The following TACC2 variants were observed in gnomAD, a reference collection of about 807,000 sequenced individuals.
TACC2 encodes transforming acidic coiled-coil-containing protein 2.
TACC2 carries 137 observed loss-of-function variants against 227.3 expected under a neutral mutation model. That is an observed-to-expected ratio of 0.60 (90% CI 0.52 to 0.69). The LOEUF (loss-of-function observed/expected upper bound fraction) is 0.69, where lower values mean the gene tolerates loss of function less well. Among genes scored for constraint, TACC2 ranks in the 30% least tolerant of loss-of-function variants. The pLI is 0.00. For missense variants in TACC2, 3,470 were observed against 3,694.4 expected, an observed-to-expected ratio of 0.94 and a Z score of 1.57; for synonymous variants, 1,523 against 1,487.5, an observed-to-expected ratio of 1.02 and a Z score of -0.55.
chr10:122,019,023 C>G (rs1957020181), intron 1 of TACC2, among the ~76,000 whole-genome samples: 1 of 152,198 alleles, frequency 6.6e-6, no homozygotes, highest in Admixed American at 6.5e-5. Flanking sequence ...CTGCCCTACA[C>G]AAAAATAGAA....
rs1487838468 is a variant in TACC2, at chr10:122,050,102, C to G, written c.34-336C>G. Among the ~76,000 whole-genome samples the G allele has an allele frequency of 2.6e-5, 4 of 152,182 alleles. No individual in the cohort carries two copies. In the East Asian group the frequency reaches 7.7e-4, roughly 29 times the overall value. The stretch of plus-strand genomic sequence containing the variant: ...ACAAACAAATTGGACACTTTCAAGT[C>G]TTAGTTTAAATGCTCCACTTCTCCT... On this transcript the variant is annotated intron_variant, in intron 2 of 22. Coordinates refer to ENST00000369005, the MANE Select transcript of TACC2 (RefSeq NM_206862.4). This position sits in a 1 kb window ranked among gnomAD's most constrained non-coding sequence, Gnocchi z 4.6.
rs917771951 is a variant in TACC2, at chr10:122,050,921, C to T, written c.146+371C>T. On this transcript the variant is annotated intron_variant, in intron 3 of 22. Transcript: ENST00000369005. The surrounding 1 kb of genome is among the most constrained non-coding windows in gnomAD (Gnocchi z 4.6). ...CTGTAACTCAGTGTGGTGGCCATTG[C>T]GGGCACTGGACCATGAAACAGAGGA... 5.7e-5 allele frequency: 11 copies of T among 194,042 alleles called. No homozygotes were observed. Among genetic ancestry groups the T allele is most frequent in the Non-Finnish European group, 1.1e-4 (10 of 94,586 alleles). The allele number at this position is 194,042 out of a possible 1,614,324, so 12.0% of individuals were successfully genotyped here.
chr10:122,195,003 G>T, intron 7 of TACC2, 37 bp from the exon 8 acceptor site: 2 of 1,571,276 alleles, frequency 1.3e-6, no homozygotes, highest in Non-Finnish European at 1.7e-6. Context: ...CTGGCTCTGG[G>T]CCCCTGTCTA....
chr10:122,058,011 T>G (rs2076380786), intron 3 of TACC2, among the ~76,000 whole-genome samples: 2 of 152,228 alleles, frequency 1.3e-5, no homozygotes, highest in Non-Finnish European at 2.9e-5. Flanking sequence ...CCTTCCCTTT[T>G]GTGGTTTCCA....
At chr10:121,995,609 CA>C (rs1953355488) in intron 1 of TACC2, among the ~76,000 whole-genome samples, 1 of 152,114 alleles carries the variant, frequency 6.6e-6, no homozygotes, top group Non-Finnish European at 1.5e-5. Context: ...ATAGTTGGCT[CA>C]TGGTTCTGAA....
chr10:122,088,872 AC>A, intron 5 of TACC2: 1 of 907,558 alleles, frequency 1.1e-6, no homozygotes, highest in Non-Finnish European at 1.6e-6. Context: ...TGTAATCCCA[AC>A]ACTTTGGGAG....
chr10:122,199,922 T>G (rs1274785203), intron 8 of TACC2, among the ~76,000 whole-genome samples: 3 of 152,080 alleles, frequency 2.0e-5, no homozygotes, highest in African/African-American at 7.2e-5. Flanking sequence ...ACTAATCCAC[T>G]CATGAGGACA....
Position 122,249,678 on chromosome 10 carries a change from G to T in TACC2, c.8781+14G>T, listed in dbSNP as rs373274782. On this transcript the variant is annotated intron_variant, in intron 22 of 22. Transcript: ENST00000369005. ...CTGGAGCAGAAGGTAATAGGGGAGG[G>T]GTGTGGCCTCCAGGTGGGCCGGGCT... 1.0e-4 allele frequency: 168 copies of T among 1,606,206 alleles called. No homozygotes were observed. Among genetic ancestry groups the T allele is most frequent in the Non-Finnish European group, 1.3e-4 (155 of 1,174,840 alleles).
rs531474429 is a variant in TACC2 at position 122,147,390 on chromosome 10, C to A, written c.5834+3684C>A. Among the ~76,000 whole-genome samples the A allele has an allele frequency of 2.0e-5, 3 of 152,268 alleles. No individual in the cohort carries two copies. The South Asian group carries it at 6.2e-4, about 32-fold the overall frequency. ...AAACTCCTGACCTCAAGTGACCCGT[C>A]CGCCTTGACCTCTCACAGTGCTGGG... On this transcript the variant is annotated intron_variant, in intron 7 of 22. Coordinates refer to ENST00000369005, the MANE Select transcript of TACC2 (RefSeq NM_206862.4).
intron 7 of TACC2, among the ~76,000 whole-genome samples, chr10:122,155,967 A>G (rs2092441983): frequency 6.7e-6 from 1 of 149,640 alleles, no homozygotes; most frequent in Non-Finnish European, 1.5e-5. Context: ...CCTCGCGAGT[A>G]GCTGGGACTA....
intron 12 of TACC2, among the ~76,000 whole-genome samples, chr10:122,226,041 C>T (rs1038246124): frequency 6.6e-6 from 1 of 152,212 alleles, no homozygotes; most frequent in Admixed American, 6.5e-5. Context: ...CAGTGGCCAG[C>T]ACAGCTCCTG....
chr10:122,110,309 A>ACAGAGGTACCT (rs1208324001), intron 5 of TACC2, among the ~76,000 whole-genome samples: 2 of 152,102 alleles, frequency 1.3e-5, no homozygotes, highest in African/African-American at 4.8e-5. Context: ...CTGTACCATT[A>ACAGAGGTACCT]CTGCATTGTT....
intron 3 of TACC2, among the ~76,000 whole-genome samples, chr10:122,068,806 G>A (rs2077677365): frequency 6.6e-6 from 1 of 151,372 alleles, no homozygotes; most frequent in Non-Finnish European, 1.5e-5. Flanking sequence ...TAGGACTACA[G>A]ACGCGCTCCA....
intron 7 of TACC2, among the ~76,000 whole-genome samples, chr10:122,149,372 G>A (rs1565439445): frequency 6.6e-6 from 1 of 152,220 alleles, no homozygotes; most frequent in Non-Finnish European, 1.5e-5. Context: ...GGAGGAGGAA[G>A]CCGGATCCCC....
intron 7 of TACC2, among the ~76,000 whole-genome samples, chr10:122,154,785 C>G (rs1057223008): frequency 6.6e-6 from 1 of 152,206 alleles, no homozygotes; most frequent in South Asian, 2.1e-4. Flanking sequence ...CTTGCAAACA[C>G]GCATGCAGGC....
chr10:122,243,370 G>A (rs944082897), intron 19 of TACC2, among the ~76,000 whole-genome samples: 1 of 152,168 alleles, frequency 6.6e-6, no homozygotes, highest in African/African-American at 2.4e-5. Context: ...GCATATGGAT[G>A]TATGAGTCAC....
intron 2 of TACC2, among the ~76,000 whole-genome samples, chr10:122,043,704 T>G (rs1446433602): frequency 6.6e-6 from 1 of 152,076 alleles, no homozygotes; most frequent in Non-Finnish European, 1.5e-5. Context: ...TTCAGCCTCC[T>G]GAGTAGCTGG....
intron 1 of TACC2, among the ~76,000 whole-genome samples, chr10:122,002,375 T>C (rs191174028): frequency 1.9e-4 from 29 of 152,316 alleles, no homozygotes; most frequent in East Asian, 9.6e-4. Context: ...AGTTTGCTAG[T>C]ATGTTTTTCA....
intron 2 of TACC2, among the ~76,000 whole-genome samples, chr10:122,039,957 G>A (rs550001921): frequency 6.8e-6 from 1 of 147,266 alleles, no homozygotes; most frequent in South Asian, 2.2e-4. Flanking sequence ...TCCTCTTACT[G>A]AGCTGGGGCC....
Sources: allele counts gnomAD v4.1 joint callset (sites outside exome capture counted in the v4.1 genomes callset), GRCh38; gene constraint gnomAD v4.1.1; non-coding constraint Gnocchi (gnomAD v3.1); transcripts MANE v1.5; gene names NCBI Gene and HGNC (gene_info 2026-07-23, HGNC 2026-07-21).